The following GALNT13 variants were observed in gnomAD, a reference collection of about 807,000 sequenced individuals.
The protein encoded by GALNT13 is UDP-GalNAc:polypeptide N-acetylgalactosaminyltransferase 13.
In GALNT13, 28 loss-of-function variants were observed where a neutral mutation model predicts 64.2. The ratio of observed to expected loss-of-function variants is 0.44; its 90% CI spans 0.32 to 0.60. GALNT13 has a LOEUF of 0.60. Among genes scored for constraint, GALNT13 ranks in the 20% least tolerant of loss-of-function variants. GALNT13 has a pLI of 0.05. For missense variants in GALNT13, 577 were observed against 669.8 expected, an observed-to-expected ratio of 0.86 and a Z score of 1.53; for synonymous variants, 214 against 224.6, an observed-to-expected ratio of 0.95 and a Z score of 0.42.
At chr2:154,365,775 A>G (rs1697331004) in intron 9 of GALNT13, among the ~76,000 whole-genome samples, 1 of 152,176 alleles carries the variant, frequency 6.6e-6, no homozygotes, top group Non-Finnish European at 1.5e-5. Flanking sequence ...AACTGACTAA[A>G]CAAGTCTTAC....
At chr2:153,583,301 T>C in the GALNT13 span, among the ~76,000 whole-genome samples, 1 of 152,194 alleles carries the variant, frequency 6.6e-6, no homozygotes, top group Non-Finnish European at 1.5e-5. Context: ...GAAATTACAA[T>C]TGTTTATTAC....
intron 3 of GALNT13, among the ~76,000 whole-genome samples, chr2:154,002,113 T>A (rs1695950799): frequency 6.6e-6 from 1 of 152,086 alleles, no homozygotes; most frequent in Non-Finnish European, 1.5e-5. Flanking sequence ...GTCTTCAATT[T>A]TTAATAATTT....
the GALNT13 span, among the ~76,000 whole-genome samples, chr2:153,323,153 G>A: frequency 2.0e-5 from 3 of 152,112 alleles, no homozygotes; most frequent in Non-Finnish European, 4.4e-5. Context: ...ATCCTCTCCA[G>A]CATGTGTTGT....
At chr2:153,445,787 A>T in the GALNT13 span, among the ~76,000 whole-genome samples, 1 of 152,162 alleles carries the variant, frequency 6.6e-6, no homozygotes, top group Non-Finnish European at 1.5e-5. Context: ...CTTACCCCCA[A>T]ATCAGCATTA....
At chr2:153,103,176 G>C in the GALNT13 span, among the ~76,000 whole-genome samples, 2 of 152,110 alleles carry the variant, frequency 1.3e-5, no homozygotes, top group Non-Finnish European at 2.9e-5. Context: ...AAGAATAAAC[G>C]TTTTACCATG....
At chr2:153,287,463 TG>T in the GALNT13 span, among the ~76,000 whole-genome samples, 2 of 152,030 alleles carry the variant, frequency 1.3e-5, no homozygotes, top group Non-Finnish European at 2.9e-5. Context: ...GGATCACACG[TG>T]GGGTTGGAGA....
the GALNT13 span, among the ~76,000 whole-genome samples, chr2:153,129,750 C>G: frequency 6.6e-6 from 1 of 150,918 alleles, no homozygotes. Context: ...AGCCTGGTGA[C>G]AGAGTGAGAC....
chr2:153,805,677 T>C, the GALNT13 span, among the ~76,000 whole-genome samples: 7 of 152,082 alleles, frequency 4.6e-5, no homozygotes, highest in African/African-American at 1.4e-4. Context: ...GAATAATATA[T>C]GTAAAAATAG....
At chr2:153,494,653 T>C in the GALNT13 span, among the ~76,000 whole-genome samples, 2 of 152,018 alleles carry the variant, frequency 1.3e-5, no homozygotes, top group African/African-American at 2.4e-5. Flanking sequence ...AATTATAATA[T>C]TTCAACAAAG....
At chr2:153,445,311 A>G in the GALNT13 span, among the ~76,000 whole-genome samples, 8 of 152,214 alleles carry the variant, frequency 5.3e-5, no homozygotes, top group African/African-American at 1.9e-4. Context: ...TTGCCCCATG[A>G]GATGCAGAAA....
At chr2:153,640,800 G>A in the GALNT13 span, among the ~76,000 whole-genome samples, 1 of 152,102 alleles carries the variant, frequency 6.6e-6, no homozygotes, top group Non-Finnish European at 1.5e-5. Context: ...TGTCAGGTGG[G>A]AAGTGGTCTG....
intron 8 of GALNT13, among the ~76,000 whole-genome samples, chr2:154,292,874 T>C (rs1163383874): frequency 1.3e-5 from 2 of 152,208 alleles, no homozygotes; most frequent in African/African-American, 4.8e-5. Context: ...TTATGAACTT[T>C]AATTAAAATG....
chr2:154,056,600 G>A (rs960990429), intron 3 of GALNT13, among the ~76,000 whole-genome samples: 10 of 152,218 alleles, frequency 6.6e-5, no homozygotes, highest in African/African-American at 2.4e-4. Flanking sequence ...ATCATTAAAT[G>A]AATGGGAGTT....
chr2:153,217,172 T>C, the GALNT13 span, among the ~76,000 whole-genome samples: 1 of 152,046 alleles, frequency 6.6e-6, no homozygotes. Flanking sequence ...TGTTTGTCTA[T>C]TTTTATTTGT....
At chr2:153,489,025 A>C in the GALNT13 span, among the ~76,000 whole-genome samples, 4 of 152,338 alleles carry the variant, frequency 2.6e-5, no homozygotes, top group East Asian at 7.7e-4. Context: ...GAGAGGCAGA[A>C]AGTCAAATAC....
chr2:153,114,488 C>T, the GALNT13 span, among the ~76,000 whole-genome samples: 185 of 152,208 alleles, frequency 1.2e-3, 2 homozygotes, highest in African/African-American at 4.2e-3. Context: ...TTATCCTGCT[C>T]ATCCTTAATT....
chr2:153,359,050 T>G, the GALNT13 span, among the ~76,000 whole-genome samples: 1 of 152,052 alleles, frequency 6.6e-6, no homozygotes, highest in African/African-American at 2.4e-5. Flanking sequence ...TTTATCTATT[T>G]TAATGCATGT....
At chr2:153,439,547 A>C in the GALNT13 span, among the ~76,000 whole-genome samples, 4 of 151,976 alleles carry the variant, frequency 2.6e-5, no homozygotes, top group Admixed American at 1.3e-4. Context: ...CATTGCTCCC[A>C]CCTTGCAGTT....
the GALNT13 span, among the ~76,000 whole-genome samples, chr2:153,583,612 G>T: frequency 6.6e-6 from 1 of 152,144 alleles, no homozygotes; most frequent in Non-Finnish European, 1.5e-5. Flanking sequence ...TGGGCCACGG[G>T]ATAGCATATT....
Sources: allele counts gnomAD v4.1 joint callset (sites outside exome capture counted in the v4.1 genomes callset), GRCh38; gene constraint gnomAD v4.1.1; transcripts MANE v1.5; gene names NCBI Gene and HGNC (gene_info 2026-07-23, HGNC 2026-07-21).